The following WWOX variants were observed in gnomAD, a reference collection of about 807,000 sequenced individuals.
The protein encoded by WWOX is WW domain containing oxidoreductase, also known as WW domain-containing oxidoreductase.
A neutral mutation model predicts 46.2 loss-of-function variants in WWOX; 69 were observed. The ratio of observed to expected loss-of-function variants is 1.49; its 90% CI spans 1.23 to 1.82. The LOEUF is 1.82. Ranked by LOEUF, WWOX falls within the 40% of genes most tolerant of loss-of-function variation. WWOX has a pLI of 0.00. For missense variants in WWOX, 919 were observed against 542.6 expected (o/e 1.69, Z -6.89); for synonymous variants, 359 against 202.6 (o/e 1.77, Z -6.56).
intron 4 of WWOX, among the ~76,000 whole-genome samples, chr16:78,153,976 A>T (rs1464032800): frequency 1.3e-5 from 2 of 151,922 alleles, no homozygotes; most frequent in African/African-American, 4.8e-5. Context: ...GTGCCTGAGG[A>T]TTCTGTGGGC....
intron 8 of WWOX, among the ~76,000 whole-genome samples, chr16:78,443,156 A>C (rs2083483486): frequency 7.0e-6 from 1 of 141,886 alleles, no homozygotes; most frequent in East Asian, 2.2e-4. Flanking sequence ...AAAAAAAAAA[A>C]AGGCTGTGTG....
At chr16:79,025,804 C>CTTTTTTTTTTTTTTTTT (rs60681938) in intron 8 of WWOX, among the ~76,000 whole-genome samples, 2 of 104,072 alleles carry the variant, frequency 1.9e-5, no homozygotes, top group East Asian at 3.3e-4. Flanking sequence ...TGCTTGCTTG[C>CTTTTTTTTTTTTTTTTT]TTTTTTTTTT....
intron 8 of WWOX, among the ~76,000 whole-genome samples, chr16:79,090,922 A>G (rs1277898420): frequency 6.6e-6 from 1 of 152,092 alleles, no homozygotes; most frequent in Non-Finnish European, 1.5e-5. Flanking sequence ...GCCTCCCAAG[A>G]AGTTGGGACT....
intron 8 of WWOX, among the ~76,000 whole-genome samples, chr16:78,774,787 G>A (rs903456811): frequency 1.3e-5 from 2 of 152,120 alleles, no homozygotes; most frequent in African/African-American, 2.4e-5. Context: ...ACATGGCATT[G>A]TTCTGAACTG....
At chr16:78,682,739 TAAAG>T (rs2047759665) in intron 8 of WWOX, among the ~76,000 whole-genome samples, 2 of 152,190 alleles carry the variant, frequency 1.3e-5, no homozygotes, top group Admixed American at 1.3e-4. Flanking sequence ...AATAAAATTT[TAAAG>T]AAAGGTATTT....
intron 8 of WWOX, among the ~76,000 whole-genome samples, chr16:78,965,771 C>G (rs148032149): frequency 2.0e-5 from 3 of 152,324 alleles, no homozygotes; most frequent in East Asian, 1.9e-4. Flanking sequence ...ACAATCTTTT[C>G]TCTGTCCTTC....
At chr16:79,024,836 C>G (rs185768738) in intron 8 of WWOX, among the ~76,000 whole-genome samples, 31 of 152,306 alleles carry the variant, frequency 2.0e-4, no homozygotes, top group African/African-American at 7.0e-4. Context: ...TCAGAAAGTG[C>G]TGGGATTACA....
At chr16:78,444,776 C>G (rs151020795) in intron 8 of WWOX, among the ~76,000 whole-genome samples, 1 of 151,982 alleles carries the variant, frequency 6.6e-6, no homozygotes, top group Non-Finnish European at 1.5e-5. Flanking sequence ...ATGATCCACC[C>G]GCCTCGGCCT....
intron 5 of WWOX, among the ~76,000 whole-genome samples, chr16:78,325,286 C>G (rs1015121125): frequency 6.6e-5 from 10 of 152,146 alleles, no homozygotes; most frequent in Admixed American, 2.0e-4. Context: ...GTTAAAACAG[C>G]TCTTTTATGA....
chr16:78,473,274 C>A (rs2084272894), intron 8 of WWOX, among the ~76,000 whole-genome samples: 2 of 152,228 alleles, frequency 1.3e-5, no homozygotes, highest in African/African-American at 4.8e-5. Context: ...GGAGTATAGA[C>A]ACGTGGCACC....
chr16:78,630,408 A>G (rs964379134), intron 8 of WWOX, among the ~76,000 whole-genome samples: 1 of 152,192 alleles, frequency 6.6e-6, no homozygotes, highest in Non-Finnish European at 1.5e-5. Flanking sequence ...CATGTGGAAT[A>G]CCTGCTTTCC....
At chr16:79,066,678 G>GA (rs1336711355) in intron 8 of WWOX, among the ~76,000 whole-genome samples, 1 of 152,182 alleles carries the variant, frequency 6.6e-6, no homozygotes, top group Non-Finnish European at 1.5e-5. Context: ...TTCAATCGGC[G>GA]AATTTGCATT....
chr16:78,283,298 A>G (rs2079711986), intron 5 of WWOX, among the ~76,000 whole-genome samples: 1 of 152,176 alleles, frequency 6.6e-6, no homozygotes, highest in Non-Finnish European at 1.5e-5. Context: ...CCAGCACTGT[A>G]GTATTTACTG....
chr16:78,237,899 A>T (rs1706739702), intron 5 of WWOX, among the ~76,000 whole-genome samples: 1 of 152,206 alleles, frequency 6.6e-6, no homozygotes, highest in South Asian at 2.1e-4. Flanking sequence ...TTACAAAAAA[A>T]GTTTGCCAGC....
In WWOX at chr16:78,753,774, C is replaced by A. The variant is rs544520973; in HGVS notation, c.1056+321022C>A. 1.6e-4 allele frequency among the ~76,000 whole-genome samples: 20 copies of A among 124,954 alleles called. No homozygotes were observed. The East Asian group carries it at 3.6e-3, about 22-fold the overall frequency. The allele number at this position is 124,954 out of a possible 152,430, so 82.0% of individuals were successfully genotyped here. On this transcript the variant is annotated intron_variant, in intron 8 of 8. Coordinates refer to ENST00000566780, the MANE Select transcript of WWOX (RefSeq NM_016373.4). ...CAAAGATCACACCACTGCAGTCAAG[C>A]CTGGGTGACAGGGCAAGACCCTATA... is the stretch of plus-strand genomic sequence containing the variant.
intron 8 of WWOX, among the ~76,000 whole-genome samples, chr16:79,153,936 GTCC>G (rs2050331114): frequency 7.1e-6 from 1 of 140,472 alleles, no homozygotes; most frequent in Non-Finnish European, 1.5e-5. Context: ...AGGCTGGACT[GTCC>G]ACAATTTCTT....
At chr16:78,803,987 G>T (rs1447558573) in intron 8 of WWOX, among the ~76,000 whole-genome samples, 1 of 152,098 alleles carries the variant, frequency 6.6e-6, no homozygotes, top group African/African-American at 2.4e-5. Context: ...CTTCTTAGCT[G>T]ATTGATGATG....
intron 8 of WWOX, among the ~76,000 whole-genome samples, chr16:78,807,115 G>A (rs1248881889): frequency 6.6e-6 from 1 of 152,124 alleles, no homozygotes; most frequent in African/African-American, 2.4e-5. Context: ...ATAAGTCTTT[G>A]GTGGGTCCAT....
chr16:78,255,981 C>T (rs1737363867), intron 5 of WWOX, among the ~76,000 whole-genome samples: 1 of 151,710 alleles, frequency 6.6e-6, no homozygotes, highest in Admixed American at 6.6e-5. Flanking sequence ...GAAACCCCAT[C>T]TCTATTAAAA....
Sources: allele counts gnomAD v4.1 joint callset (sites outside exome capture counted in the v4.1 genomes callset), GRCh38; gene constraint gnomAD v4.1.1; transcripts MANE v1.5; gene names NCBI Gene and HGNC (gene_info 2026-07-23, HGNC 2026-07-21).